The following FAT4 variants were observed in gnomAD, a reference collection of about 807,000 sequenced individuals.
The protein encoded by FAT4 is FAT atypical cadherin 4.
A neutral mutation model predicts 303.9 loss-of-function variants in FAT4; 84 were observed. The observed-to-expected ratio is 0.28, with a 90% CI of 0.23 to 0.33. FAT4 has a LOEUF of 0.33. FAT4 is among the 10% of genes least tolerant of loss of function. The probability of loss-of-function intolerance (pLI) is 1.00; values close to 1 mark genes in which losing one functional copy is unlikely to be tolerated. For missense variants in FAT4, 6,005 were observed against 6,146.8 expected (o/e 0.98, Z 0.77); for synonymous variants, 2,307 against 2,298.8 (o/e 1.00, Z -0.10).
At chr4:125,381,115 C>G (rs1157487902) in intron 2 of FAT4, among the ~76,000 whole-genome samples, 1 of 152,124 alleles carries the variant, frequency 6.6e-6, no homozygotes, top group Non-Finnish European at 1.5e-5. Flanking sequence ...TTAGTATTAA[C>G]TGCAGTCATA....
In FAT4 at chr4:125,405,612, G is replaced by A. The variant is rs138533616; in HGVS notation, c.5308-1268G>A. Among the ~76,000 whole-genome samples, 1,221 of 151,798 alleles carry A rather than the reference G, an allele frequency of 8.0e-3. 17 individuals are homozygous for A. Among genetic ancestry groups the A allele is most frequent in the African/African-American group, 0.028 (1,169 of 41,402 alleles). On this transcript the variant is annotated intron_variant, in intron 3 of 17. Transcript: ENST00000394329. ...TGCAAGCTCTGCCTCCCGAGTTCAT[G>A]CCATTCTCCTGCATCAGCCTCCCGA...
At chr4:125,345,678 A>T (rs1053354145) in intron 2 of FAT4, among the ~76,000 whole-genome samples, 2 of 152,042 alleles carry the variant, frequency 1.3e-5, no homozygotes, top group Admixed American at 6.6e-5. Context: ...CCTCTAATTC[A>T]ATTAGAATGC....
intron 2 of FAT4, among the ~76,000 whole-genome samples, chr4:125,389,530 T>A (rs1410637221): frequency 1.3e-5 from 2 of 152,038 alleles, no homozygotes. Flanking sequence ...TTAAGTAGAG[T>A]TTGGGCCTGC....
chr4:125,379,913 G>A (rs1402684615), intron 2 of FAT4, among the ~76,000 whole-genome samples: 1 of 151,678 alleles, frequency 6.6e-6, no homozygotes, highest in Non-Finnish European at 1.5e-5. Context: ...TTTGTTTTGA[G>A]ATGGAGTTTT....
chr4:125,426,341 A>G (rs139446839), intron 7 of FAT4, among the ~76,000 whole-genome samples: 106 of 152,172 alleles, frequency 7.0e-4, no homozygotes, highest in African/African-American at 2.5e-3. Flanking sequence ...AATTCTATAA[A>G]TCAAATCATG....
chr4:125,326,685 A>G (rs1455651134), intron 2 of FAT4, among the ~76,000 whole-genome samples: 1 of 152,202 alleles, frequency 6.6e-6, no homozygotes, highest in Non-Finnish European at 1.5e-5. Context: ...CCCTATAGCT[A>G]TGATGATATA....
In FAT4 at chr4:125,481,595, C is replaced by T. The variant is rs150155800; in HGVS notation, c.12679C>T (p.Arg4227Trp). ...CTACCACATGAGTCAGAATGAGAAG[C>T]GGGAATATTTGTTAAGGCAAAGCTT... ...LDYHMSQNEK[R>W]EYLLRQSLRG... Residue 4227 changes from arginine to tryptophan, a missense_variant, in exon 16 of 18, where the codon CGG becomes TGG. Arg to Trp is a moderately radical substitution (Grantham distance 101). Transcript: ENST00000394329. The T allele has an allele frequency of 4.2e-5, 67 of 1,613,816 alleles. No individual in the cohort carries two copies. In the African/African-American group the frequency reaches 5.2e-4, roughly 13 times the overall value.
At chr4:125,398,272 T>C (rs1734256444) in intron 2 of FAT4, among the ~76,000 whole-genome samples, 1 of 152,168 alleles carries the variant, frequency 6.6e-6, no homozygotes, top group African/African-American at 2.4e-5. Context: ...AGATGTATTT[T>C]TCTTCCCATT....
intron 2 of FAT4, among the ~76,000 whole-genome samples, chr4:125,334,302 G>A (rs538794081): frequency 1.3e-5 from 2 of 151,938 alleles, no homozygotes; most frequent in African/African-American, 4.8e-5. Context: ...TTTGGACCCC[G>A]ATTCTTGCTC....
intron 2 of FAT4, among the ~76,000 whole-genome samples, chr4:125,349,011 G>T (rs1732112222): frequency 6.6e-6 from 1 of 151,718 alleles, no homozygotes; most frequent in Non-Finnish European, 1.5e-5. Context: ...CTATGCATTG[G>T]GGATGTTGCA....
chr4:125,414,274 A>G (rs897167049), intron 5 of FAT4, among the ~76,000 whole-genome samples: 9 of 152,122 alleles, frequency 5.9e-5, no homozygotes, highest in Admixed American at 5.2e-4. Context: ...ATACAGTTCA[A>G]TAATAGCATG....
chr4:125,353,126 A>G (rs1359711331), intron 2 of FAT4, among the ~76,000 whole-genome samples: 1 of 151,784 alleles, frequency 6.6e-6, no homozygotes, highest in Admixed American at 6.6e-5. Flanking sequence ...TAAAGATTTT[A>G]TGTGACCAAA....
At chr4:125,370,102 T>C (rs541861835) in intron 2 of FAT4, among the ~76,000 whole-genome samples, 2 of 152,020 alleles carry the variant, frequency 1.3e-5, no homozygotes, top group South Asian at 4.2e-4. Flanking sequence ...AGATATAGGG[T>C]GATAGAATTC....
intron 3 of FAT4, among the ~76,000 whole-genome samples, chr4:125,402,867 G>T (rs1471909135): frequency 2.0e-5 from 3 of 151,728 alleles, no homozygotes; most frequent in Non-Finnish European, 4.4e-5. Flanking sequence ...TACAATAAAT[G>T]GTATATTTGT....
Position 125,434,292 on chromosome 4 carries a change from G to A in FAT4, c.7066G>A (p.Asp2356Asn). 6.2e-7 allele frequency: 1 copy of A among 1,614,000 alleles called. No homozygotes were observed. The highest frequency in any genetic ancestry group is 8.5e-7 in the Non-Finnish European group (1 of 1,179,948). ...GTGTINVIVD[D>N]VNDNVPTFAS... ...TGGAACAATCAACGTCATAGTAGAT[G>A]ATGTCAATGACAATGTCCCCACATT... The change falls in exon 8 of 18, where the codon GAT becomes AAT. Residue 2356 changes from aspartate (D) to asparagine (N), a missense_variant. Physicochemically the swap from Asp to Asn is conservative, Grantham distance 23. Transcript: ENST00000394329.
At chr4:125,358,140 T>G (rs2125983012) in intron 2 of FAT4, among the ~76,000 whole-genome samples, 1 of 152,252 alleles carries the variant, frequency 6.6e-6, no homozygotes, top group South Asian at 2.1e-4. Flanking sequence ...TGTGTTTAAT[T>G]TTATGTTCCA....
At chr4:125,482,256 A>C (rs1164777321) in intron 16 of FAT4, among the ~76,000 whole-genome samples, 1 of 152,212 alleles carries the variant, frequency 6.6e-6, no homozygotes, top group Admixed American at 6.5e-5. Context: ...TGTGGAGTAA[A>C]GTATATTTGG....
intron 2 of FAT4, among the ~76,000 whole-genome samples, chr4:125,349,479 G>C (rs1380001802): frequency 6.6e-6 from 1 of 151,586 alleles, no homozygotes; most frequent in African/African-American, 2.4e-5. Flanking sequence ...TTTGTTTACT[G>C]TGTTTCTCAT....
chr4:125,335,775 A>G (rs1731548512), intron 2 of FAT4, among the ~76,000 whole-genome samples: 2 of 151,982 alleles, frequency 1.3e-5, no homozygotes, highest in African/African-American at 2.4e-5. Flanking sequence ...AGTTTTGTTC[A>G]AATACTGGCT....
Sources: allele counts gnomAD v4.1 joint callset (sites outside exome capture counted in the v4.1 genomes callset), GRCh38; gene constraint gnomAD v4.1.1; transcripts MANE v1.5; gene names NCBI Gene and HGNC (gene_info 2026-07-23, HGNC 2026-07-21).